LZTS1: variants seen among roughly 807,000 people sequenced by gnomAD.
The protein encoded by LZTS1 is leucine zipper putative tumor suppressor 1.
A neutral mutation model predicts 45.8 loss-of-function variants in LZTS1; 31 were observed. The ratio of observed to expected loss-of-function variants is 0.68; its 90% CI spans 0.51 to 0.91. The LOEUF is 0.91. Ranked by LOEUF, LZTS1 falls within the 40% of genes least tolerant of loss-of-function variation. The pLI, the probability that LZTS1 is intolerant of heterozygous loss-of-function variation, is 0.00. For synonymous variants in LZTS1, 359 were observed against 357.3 expected, an observed-to-expected ratio of 1.00 and a Z score of -0.05; for missense variants, 821 against 788.9, an observed-to-expected ratio of 1.04 and a Z score of -0.49.
chr8:20,293,934 TAAC>T (rs1800940986), intron 1 of LZTS1, among the ~76,000 whole-genome samples: 1 of 151,146 alleles, frequency 6.6e-6, no homozygotes, highest in South Asian at 2.1e-4. Context: ...AAAAAACAAA[TAAC>T]AATAATAAAT....
chr8:20,253,610 A>T (rs952336060), intron 2 of LZTS1, 25 bp from the exon 3 acceptor site: 3 of 1,424,266 alleles, frequency 2.1e-6, no homozygotes, highest in East Asian at 5.0e-5. Context: ...GACCGCGGTG[A>T]CTCATGCCTC....
chr8:20,253,337 T>C lies in LZTS1; in HGVS notation c.594A>G (p.Thr198=). The change falls in exon 3 of 4, where the codon ACA becomes ACG. Residue 198 remains threonine (T), a synonymous_variant. Transcript: ENST00000381569. ...CAAAACGGCTTGTGGGTCCCACGGG[T>C]GTGACCAGCGGGTCCAGCTGGTAGC... ...SSSYQLDPLV[T]PVGPTSRFGG... is the part of the protein sequence containing the mutation. 6.2e-7 allele frequency: 1 copy of C among 1,613,030 alleles called. No homozygotes were observed. Among genetic ancestry groups the C allele is most frequent in the Middle Eastern group, 1.7e-4 (1 of 6,058 alleles).
At chr8:20,290,535 T>G (rs918093028) in intron 1 of LZTS1, 1 of 152,238 alleles carries the variant, frequency 6.6e-6, no homozygotes, top group African/African-American at 2.4e-5. Context: ...CAGCATCTTC[T>G]TCTCAGCCCA....
intron 1 of LZTS1, among the ~76,000 whole-genome samples, chr8:20,303,300 G>A (rs1051516184): frequency 6.6e-6 from 1 of 152,062 alleles, no homozygotes; most frequent in Non-Finnish European, 1.5e-5. Context: ...AAAGTTCCAG[G>A]CGGCGAAGTT....
chr8:20,302,680 C>T (rs1413558236), intron 1 of LZTS1, among the ~76,000 whole-genome samples: 1 of 152,200 alleles, frequency 6.6e-6, no homozygotes, highest in Non-Finnish European at 1.5e-5. Context: ...AGTACTTTCC[C>T]AGCGCCCGGG....
rs1585306606 is a variant in LZTS1, at chr8:20,299,032, G to A, written c.-135+4708C>T. On this transcript the variant is annotated intron_variant, in intron 1 of 3. Coordinates refer to ENST00000381569, the MANE Select transcript of LZTS1 (RefSeq NM_021020.5). ...TCCCCATCAACTTCTCCAACCCTGG[G>A]AGGAGGGATCTGGAGGCTAATTTGC... Among the ~76,000 whole-genome samples, 9 of 152,314 alleles carry A rather than the reference G, an allele frequency of 5.9e-5. No individual in the cohort carries two copies. In the South Asian group the frequency reaches 1.9e-3, roughly 32 times the overall value.
intron 1 of LZTS1, among the ~76,000 whole-genome samples, chr8:20,294,824 G>A (rs934747427): frequency 1.3e-5 from 2 of 151,970 alleles, no homozygotes; most frequent in African/African-American, 2.4e-5. Flanking sequence ...GGGGAGGGCA[G>A]ACCCCACACA....
At chr8:20,273,094 G>A (rs371306478) in intron 1 of LZTS1, among the ~76,000 whole-genome samples, 3 of 151,990 alleles carry the variant, frequency 2.0e-5, no homozygotes, top group Non-Finnish European at 4.4e-5. Context: ...ACTGCCCTCC[G>A]GGATGTTGCT....
intron 1 of LZTS1, among the ~76,000 whole-genome samples, chr8:20,292,581 G>A (rs1800917999): frequency 6.6e-6 from 1 of 152,262 alleles, no homozygotes; most frequent in Non-Finnish European, 1.5e-5. Context: ...AGACAGAAGA[G>A]TGGTGAGAAA....
intron 1 of LZTS1, among the ~76,000 whole-genome samples, chr8:20,282,800 A>G (rs77123591): frequency 0.013 from 1,973 of 152,140 alleles, 48 homozygotes; most frequent in African/African-American, 0.045. Flanking sequence ...AGGGGGCAAA[A>G]TCTTTCTCAG....
chr8:20,277,121 G>T (rs757249262), intron 1 of LZTS1, among the ~76,000 whole-genome samples: 2 of 152,216 alleles, frequency 1.3e-5, no homozygotes, highest in Non-Finnish European at 1.5e-5. Context: ...CTGTGGTAAA[G>T]AAGCAGGCCA....
At chr8:20,267,845 G>T (rs112836608) in intron 1 of LZTS1, among the ~76,000 whole-genome samples, 3 of 152,232 alleles carry the variant, frequency 2.0e-5, no homozygotes, top group African/African-American at 7.2e-5. Flanking sequence ...CACTTTACTT[G>T]CATGTTTGCA....
intron 1 of LZTS1, among the ~76,000 whole-genome samples, chr8:20,302,012 C>T (rs1309004962): frequency 6.6e-6 from 1 of 152,088 alleles, no homozygotes; most frequent in East Asian, 1.9e-4. Flanking sequence ...TCTTCTTAAG[C>T]AGAGTGAGCG....
chr8:20,249,709 C>G lies in LZTS1; in HGVS notation c.*13G>C, dbSNP rs1257096669. Reference sequence around the variant, plus strand: ...AGTGCCAGGTCCCCAGACTCGCCTTCCCAGGCAGCCCCTCAGATCTCAGTG... The same window carrying G: ...AGTGCCAGGTCCCCAGACTCGCCTTGCCAGGCAGCCCCTCAGATCTCAGTG... On this transcript the variant is annotated 3_prime_UTR_variant, in exon 4 of 4. Transcript: ENST00000381569. 6.3e-7 allele frequency: 1 copy of G among 1,587,806 alleles called. No homozygotes were observed. Among genetic ancestry groups the G allele is most frequent in the South Asian group, 1.1e-5 (1 of 89,424 alleles).
chr8:20,276,418 G>T (rs1800584295), intron 1 of LZTS1, among the ~76,000 whole-genome samples: 1 of 152,180 alleles, frequency 6.6e-6, no homozygotes, highest in Non-Finnish European at 1.5e-5. Flanking sequence ...AATCAATCAT[G>T]CCTATGCAAT....
chr8:20,298,952 A>C (rs79693096), intron 1 of LZTS1, among the ~76,000 whole-genome samples: 1,946 of 152,336 alleles, frequency 0.013, 34 homozygotes, highest in African/African-American at 0.044. Flanking sequence ...GCCAAATGGC[A>C]AAAGGAGCTA....
chr8:20,271,167 C>G (rs555252685), intron 1 of LZTS1, among the ~76,000 whole-genome samples: 1 of 152,144 alleles, frequency 6.6e-6, no homozygotes, highest in Non-Finnish European at 1.5e-5. Flanking sequence ...CTCTTGGTAC[C>G]CTTTGATGTG....
intron 1 of LZTS1, among the ~76,000 whole-genome samples, chr8:20,279,681 C>A (rs1274151877): frequency 5.1e-3 from 363 of 70,796 alleles, no homozygotes; most frequent in Admixed American, 6.2e-3. Flanking sequence ...GACCCTGTCT[C>A]AAAAAAAAAA....
intron 1 of LZTS1, among the ~76,000 whole-genome samples, chr8:20,301,550 C>T (rs947755272): frequency 6.6e-6 from 1 of 152,080 alleles, no homozygotes; most frequent in Non-Finnish European, 1.5e-5. Flanking sequence ...ATTTGGTAGG[C>T]GCCCAATGAA....
Sources: allele counts gnomAD v4.1 joint callset (sites outside exome capture counted in the v4.1 genomes callset), GRCh38; gene constraint gnomAD v4.1.1; transcripts MANE v1.5; gene names NCBI Gene and HGNC (gene_info 2026-07-23, HGNC 2026-07-21).